The following IL23R variants were observed in gnomAD, a reference collection of about 807,000 sequenced individuals.
IL23R encodes interleukin 23 receptor.
Under a neutral mutation model 56.9 loss-of-function variants are expected in IL23R, and 34 were observed. The observed-to-expected ratio is 0.60, with a 90% CI of 0.45 to 0.80. The LOEUF (loss-of-function observed/expected upper bound fraction) is 0.80, where lower values mean the gene tolerates loss of function less well. IL23R is among the 30% of genes least tolerant of loss of function. The pLI is 0.00. For missense variants in IL23R, 635 were observed against 730.0 expected, an observed-to-expected ratio of 0.87 and a Z score of 1.50; for synonymous variants, 230 against 249.2, an observed-to-expected ratio of 0.92 and a Z score of 0.73.
chr1:67,245,479 T>G (rs1315475021), intron 9 of IL23R, among the ~76,000 whole-genome samples: 1 of 152,238 alleles, frequency 6.6e-6, no homozygotes, highest in Non-Finnish European at 1.5e-5. Context: ...TTGAGATACA[T>G]TCCATCAATA....
chr1:67,192,109 T>C lies in IL23R; in HGVS notation c.492-8628T>C, dbSNP rs562512914. Among the ~76,000 whole-genome samples the C allele has an allele frequency of 1.2e-4, 18 of 152,326 alleles. 1 individual carries two copies. The highest frequency in any genetic ancestry group is 4.1e-4 in the African/African-American group (17 of 41,572). On this transcript the variant is annotated intron_variant, in intron 4 of 10. Transcript: ENST00000347310. ...GGAAAGGATAAAGGGAAGCTTTTAT[T>C]ACCAAAAAGGAATATATGTGAGCTA... is the stretch of plus-strand genomic sequence containing the variant.
At chr1:67,166,945 T>C (rs1646880219) in intron 1 of IL23R, among the ~76,000 whole-genome samples, 1 of 152,230 alleles carries the variant, frequency 6.6e-6, no homozygotes, top group Non-Finnish European at 1.5e-5. Context: ...ATTAAACAGA[T>C]AAAATAACTG....
chr1:67,160,133 A>G lies in IL23R; in HGVS notation c.-633-7959A>G, dbSNP rs530078210. 1.6e-3 allele frequency among the ~76,000 whole-genome samples: 239 copies of G among 152,298 alleles called. 1 individual carries two copies. The highest frequency in any genetic ancestry group is 2.2e-3 in the Non-Finnish European group (149 of 68,030). ...CTCCAAAAGTGTTGGGATTACAGGC[A>G]TGAGCCACCGCGCCCAGCCTGGTAC... On this transcript the variant is annotated intron_variant, in intron 1 of 10. Transcript: ENST00000637002.
chr1:67,184,374 C>T (rs1241144670), intron 4 of IL23R, among the ~76,000 whole-genome samples: 6 of 151,826 alleles, frequency 4.0e-5, no homozygotes, highest in Non-Finnish European at 7.4e-5. Flanking sequence ...GGTGAAACCC[C>T]GTCTCTACTA....
Position 67,207,061 on chromosome 1 carries a change from C to T in IL23R, c.798+6C>T. 1 of 1,613,468 alleles carries T rather than the reference C, an allele frequency of 6.2e-7. No individual in the cohort carries two copies. Among genetic ancestry groups the T allele is most frequent in the Non-Finnish European group, 8.5e-7 (1 of 1,179,498 alleles). ...CAACAAACCAAACTTGGAATGTAAG[C>T]TCAACTTTCATTATGCTTTAGCATG... On this transcript the variant is annotated splice_donor_region_variant and intron_variant, in intron 6 of 10. Transcript: ENST00000347310.
At chr1:67,191,746 T>C (rs1254577354) in intron 4 of IL23R, among the ~76,000 whole-genome samples, 1 of 152,224 alleles carries the variant, frequency 6.6e-6, no homozygotes, top group Non-Finnish European at 1.5e-5. Context: ...GATTTCCCCA[T>C]TGCCAGATTG....
intron 8 of IL23R, among the ~76,000 whole-genome samples, chr1:67,238,710 G>A (rs1375645983): frequency 5.9e-5 from 9 of 152,148 alleles, no homozygotes; most frequent in Admixed American, 2.6e-4. Flanking sequence ...CCCCTTTGCC[G>A]AGCACTGTGT....
chr1:67,200,370 C>A (rs1235824497), intron 4 of IL23R, among the ~76,000 whole-genome samples: 2 of 151,262 alleles, frequency 1.3e-5, no homozygotes, highest in Admixed American at 1.3e-4. Context: ...TTTTAAAAAT[C>A]TGGAATAATT....
At chr1:67,182,045 G>A (rs560966046) in intron 3 of IL23R, among the ~76,000 whole-genome samples, 1 of 152,194 alleles carries the variant, frequency 6.6e-6, no homozygotes, top group African/African-American at 2.4e-5. Flanking sequence ...TGCCCCTACT[G>A]GGGGGTGCCT....
intron 4 of IL23R, among the ~76,000 whole-genome samples, chr1:67,188,762 T>A (rs1409464368): frequency 1.3e-5 from 2 of 152,146 alleles, no homozygotes; most frequent in African/African-American, 4.8e-5. Context: ...TGTTCTCACA[T>A]AGTAGAAGGG....
chr1:67,183,316 C>A (rs914205078), intron 4 of IL23R, among the ~76,000 whole-genome samples: 1 of 152,174 alleles, frequency 6.6e-6, no homozygotes, highest in Non-Finnish European at 1.5e-5. Flanking sequence ...GGGTGAATAA[C>A]CTGAGGTCAG....
At chr1:67,212,321 C>T (rs1352677721) in intron 6 of IL23R, among the ~76,000 whole-genome samples, 1 of 152,176 alleles carries the variant, frequency 6.6e-6, no homozygotes, top group East Asian at 1.9e-4. Flanking sequence ...GAAGTGTTGT[C>T]TCTGCATGTC....
intron 4 of IL23R, among the ~76,000 whole-genome samples, chr1:67,198,733 T>G (rs1648371030): frequency 6.6e-6 from 1 of 152,182 alleles, no homozygotes; most frequent in Admixed American, 6.5e-5. Context: ...GTGCTTGAGT[T>G]CAAGAGTTGG....
intron 1 of IL23R, among the ~76,000 whole-genome samples, chr1:67,151,091 T>C (rs1337175255): frequency 3.3e-5 from 5 of 152,194 alleles, no homozygotes; most frequent in African/African-American, 9.7e-5. Flanking sequence ...AGCATTCCTA[T>C]TTCTCCGCAG....
At chr1:67,199,654 T>C (rs1648454315) in intron 4 of IL23R, among the ~76,000 whole-genome samples, 1 of 152,184 alleles carries the variant, frequency 6.6e-6, no homozygotes, top group Non-Finnish European at 1.5e-5. Context: ...TATACATCTA[T>C]GTATATGTGT....
rs142921155 is a variant in IL23R, at chr1:67,251,178, C to T, written c.1149-4659C>T. The stretch of plus-strand genomic sequence containing the variant: ...AAGGAAAGACATAAATGTGGCCAGG[C>T]GCAGTGGCTCATGCCTGTAATTCCA... On this transcript the variant is annotated intron_variant, in intron 9 of 10. Coordinates refer to ENST00000347310, the MANE Select transcript of IL23R (RefSeq NM_144701.3). 1.3e-3 allele frequency among the ~76,000 whole-genome samples: 197 copies of T among 152,252 alleles called. 1 individual carries two copies. Among genetic ancestry groups the T allele is most frequent in the African/African-American group, 4.5e-3 (186 of 41,564 alleles).
At chr1:67,172,868 A>G (rs1646960249) in intron 3 of IL23R, among the ~76,000 whole-genome samples, 1 of 152,188 alleles carries the variant, frequency 6.6e-6, no homozygotes, top group Non-Finnish European at 1.5e-5. Context: ...CCTTCATGTT[A>G]TTATCTTAAT....
intron 6 of IL23R, among the ~76,000 whole-genome samples, chr1:67,213,542 G>T (rs1308277967): frequency 6.6e-6 from 1 of 152,204 alleles, no homozygotes; most frequent in Non-Finnish European, 1.5e-5. Flanking sequence ...ATGATGGATG[G>T]CATATATGAT....
chr1:67,260,927 T>A (rs1243585595), downstream of IL23R, among the ~76,000 whole-genome samples: 1 of 152,192 alleles, frequency 6.6e-6, no homozygotes, highest in Non-Finnish European at 1.5e-5. Context: ...TTAAAATAGG[T>A]AGATTACACA....
Sources: gnomAD v4.1 joint callset for allele counts (sites outside exome capture counted in the v4.1 genomes callset) on GRCh38, gnomAD v4.1.1 for gene constraint, MANE v1.5 for transcripts, NCBI Gene and HGNC (gene_info 2026-07-23, HGNC 2026-07-21) for gene names.